KCNJ14: variants seen among roughly 807,000 people sequenced by gnomAD.
KCNJ14 encodes ATP-sensitive inward rectifier potassium channel 14.
Under a neutral mutation model 24.5 loss-of-function variants are expected in KCNJ14, and 18 were observed. The ratio of observed to expected loss-of-function variants is 0.74; its 90% CI spans 0.51 to 1.09. KCNJ14 has a LOEUF of 1.09. Among genes scored for constraint, KCNJ14 ranks in the 50% least tolerant of loss-of-function variants. The pLI is 0.00. For synonymous variants in KCNJ14, 288 were observed against 270.8 expected (o/e 1.06, Z -0.63); for missense variants, 633 against 623.0 (o/e 1.02, Z -0.17).
chr19:48,460,550 G>A (rs1971584254), intron 1 of KCNJ14, among the ~76,000 whole-genome samples: 1 of 152,136 alleles, frequency 6.6e-6, no homozygotes, highest in Non-Finnish European at 1.5e-5. Flanking sequence ...GCAGTCTTGG[G>A]GAAGTTGCTT....
At position 48,461,845 on chromosome 19, in the gene KCNJ14, G is replaced by C; in HGVS notation, c.121G>C (p.Val41Leu). The stretch of plus-strand genomic sequence containing the variant: ...CCGCAACGGGTGGGCGCCGGCACCG[G>C]TGCAGTCACCCGTGGGCCGGCGCCG... The part of the protein sequence containing the change: ...LCRNGWAPAP[V>L]QSPVGRRRGR... Residue 41 changes from valine to leucine, a missense_variant, in exon 2 of 3, where the codon GTG becomes CTG. By Grantham distance (32) the Val-to-Leu change is conservative. Coordinates refer to ENST00000342291, the MANE Select transcript of KCNJ14 (RefSeq NM_013348.4). 6.5e-7 allele frequency: 1 copy of C among 1,538,264 alleles called. No individual in the cohort carries two copies. Among genetic ancestry groups the C allele is most frequent in the East Asian group, 2.4e-5 (1 of 42,102 alleles).
intron 1 of KCNJ14, among the ~76,000 whole-genome samples, chr19:48,457,376 C>T (rs572020978): frequency 6.6e-6 from 1 of 152,296 alleles, no homozygotes; most frequent in Admixed American, 6.5e-5. Context: ...AACTGAGTCT[C>T]TGGAAAAAGA....
At chr19:48,458,432 G>T (rs961233870) in intron 1 of KCNJ14, among the ~76,000 whole-genome samples, 1 of 152,186 alleles carries the variant, frequency 6.6e-6, no homozygotes. Flanking sequence ...GATGGCTAAT[G>T]ATGTTGAGCA....
At chr19:48,456,518 G>C (rs1306065183) in intron 1 of KCNJ14, 1 of 152,256 alleles carries the variant, frequency 6.6e-6, no homozygotes, top group Non-Finnish European at 1.5e-5. Context: ...CTGCGTGGTT[G>C]TGGGAAGCAG....
At position 48,462,551 on chromosome 19, in the gene KCNJ14, A is replaced by C; in HGVS notation, c.714+113A>C. On this transcript the variant is annotated intron_variant, in intron 2 of 2. Transcript: ENST00000342291. The surrounding 1 kb of genome is among the most constrained non-coding windows in gnomAD (Gnocchi z 4.9). ...GGAGGGGGCGTGGACTACAACTCCC[A>C]GCAGCCTCTTGGGCCTGGGGCCTGC... 1.3e-6 allele frequency: 1 copy of C among 790,284 alleles called. No individual in the cohort carries two copies. Among genetic ancestry groups the C allele is most frequent in the Non-Finnish European group, 1.9e-6 (1 of 520,142 alleles). 49.0% of individuals were successfully genotyped at this position (790,284 alleles called of 1,614,324 possible). A position where few individuals can be genotyped will look rare whatever the true frequency, so the allele number is the denominator to read the frequency against.
At position 48,465,716 on chromosome 19, in the gene KCNJ14, A is replaced by G. The variant is rs1224323520; in HGVS notation, c.*939A>G. The G allele has an allele frequency of 6.6e-6, 1 of 152,642 alleles. No homozygotes were observed. Among genetic ancestry groups the G allele is most frequent in the Non-Finnish European group, 1.5e-5 (1 of 68,046 alleles). The allele number at this position is 152,642 out of a possible 1,614,324, so 9.5% of individuals were successfully genotyped here. On this transcript the variant is annotated 3_prime_UTR_variant, in exon 3 of 3. Coordinates refer to ENST00000342291, the MANE Select transcript of KCNJ14 (RefSeq NM_013348.4). ...GAGTCAAGGAAGCAGTGGCAATTCT[A>G]GATATCTGAGATTTTGCTGGTTCCA...
intron 1 of KCNJ14, among the ~76,000 whole-genome samples, chr19:48,458,935 CAAAAAAA>C (rs34990679): frequency 5.2e-5 from 2 of 38,658 alleles, no homozygotes; most frequent in South Asian, 1.6e-3. Flanking sequence ...GACTCCGTCT[CAAAAAAA>C]AAAAAAAAAA....
intron 1 of KCNJ14, among the ~76,000 whole-genome samples, chr19:48,459,114 C>T (rs892084520): frequency 2.7e-5 from 4 of 150,488 alleles, no homozygotes; most frequent in Admixed American, 6.6e-5. Flanking sequence ...TAGTGGCAGG[C>T]GCCTGTAGTC....
chr19:48,464,687 G>C lies in KCNJ14; in HGVS notation c.1221G>C (p.Glu407Asp). The C allele has an allele frequency of 6.2e-7, 1 of 1,613,898 alleles. No homozygotes were observed. The highest frequency in any genetic ancestry group is 8.5e-7 in the Non-Finnish European group (1 of 1,180,024). The change falls in exon 3 of 3, where the codon GAG becomes GAC. Residue 407 changes from glutamate (E) to aspartate (D), a missense_variant. Physicochemically the swap from Glu to Asp is conservative, Grantham distance 45. Transcript: ENST00000342291. ...SCCQEEDEDD[E>D]TEEGNGVETE... is the part of the protein sequence containing the mutation. ...GCCAGGAGGAAGATGAGGACGATGA[G>C]ACTGAGGAAGGGAATGGGGTGGAAA... is the stretch of plus-strand genomic sequence containing the variant.
At chr19:48,456,231 T>C (rs28574697) in intron 1 of KCNJ14, 18,915 of 152,312 alleles carry the variant, frequency 0.12, 1,847 homozygotes, top group African/African-American at 0.27. Context: ...GGGTGGTTCC[T>C]GAGGGTGGAG....
In KCNJ14 at chr19:48,461,096, G is replaced by A. The variant is rs149751094; in HGVS notation, c.-55-574G>A. On this transcript the variant is annotated intron_variant, in intron 1 of 2. Coordinates refer to ENST00000342291, the MANE Select transcript of KCNJ14 (RefSeq NM_013348.4). ...AGCACTTTGGGAGGCCAAAGCAGGCGGATCACGAGGTCAGGAGATCGAGAC... is the reference window on the plus strand; with the variant it reads ...AGCACTTTGGGAGGCCAAAGCAGGCAGATCACGAGGTCAGGAGATCGAGAC... 5.7e-3 allele frequency among the ~76,000 whole-genome samples: 875 copies of A among 152,220 alleles called. 7 individuals are homozygous for A. Among genetic ancestry groups the A allele is most frequent in the African/African-American group, 0.02 (831 of 41,542 alleles).
At chr19:48,457,845 C>T (rs117861795) in intron 1 of KCNJ14, among the ~76,000 whole-genome samples, 2,709 of 152,106 alleles carry the variant, frequency 0.018, 35 homozygotes, top group East Asian at 0.05. Context: ...TCACCATACC[C>T]GGCTAATTTT....
intron 2 of KCNJ14, among the ~76,000 whole-genome samples, chr19:48,463,888 C>T (rs1013851344): frequency 6.6e-6 from 1 of 151,912 alleles, no homozygotes; most frequent in Non-Finnish European, 1.5e-5. Flanking sequence ...AACCCTGAGT[C>T]TCTTTCCTCT....
chr19:48,463,590 AG>A (rs1971624715), intron 2 of KCNJ14, among the ~76,000 whole-genome samples: 1 of 152,176 alleles, frequency 6.6e-6, no homozygotes, highest in Non-Finnish European at 1.5e-5. Flanking sequence ...AGGATAGCTC[AG>A]GGGAGAGCCC....
Position 48,462,097 on chromosome 19 carries a change from G to C in KCNJ14, c.373G>C (p.Ala125Pro), listed in dbSNP as rs1226812140. 2 of 1,601,542 alleles carry C rather than the reference G, an allele frequency of 1.2e-6. No homozygotes were observed. The highest frequency in any genetic ancestry group is 4.5e-5 in the East Asian group (2 of 44,562). ...CGACCTGGCCGCCCCGCCACCGCCCGCGCCCTGCTTCTCACACGTGGCCAG... is the reference window on the plus strand; with the variant it reads ...CGACCTGGCCGCCCCGCCACCGCCCCCGCCCTGCTTCTCACACGTGGCCAG... ...HGDLAAPPPP[A>P]PCFSHVASFL... The change falls in exon 2 of 3, where the codon GCG (alanine) becomes CCG (proline). Residue 125 changes from alanine (A) to proline (P), a missense_variant. Ala to Pro is a conservative substitution (Grantham distance 27, BLOSUM62 -1). Coordinates refer to ENST00000342291, the MANE Select transcript of KCNJ14 (RefSeq NM_013348.4). This position sits in a 1 kb window ranked among gnomAD's most constrained non-coding sequence, Gnocchi z 4.9.
chr19:48,464,131 GC>G, intron 2 of KCNJ14, 49 bp from the exon 3 acceptor site: 1 of 1,277,074 alleles, frequency 7.8e-7, no homozygotes, highest in South Asian at 1.2e-5. Flanking sequence ...CTTCGTCTCT[GC>G]CCGTCTCTGT....
intron 1 of KCNJ14, chr19:48,461,230 G>A (rs1354874842): frequency 6.6e-6 from 1 of 151,972 alleles, no homozygotes; most frequent in Non-Finnish European, 1.5e-5. Flanking sequence ...TGAGGCAGGC[G>A]AATCACTTGA....
At chr19:48,463,659 C>T (rs1273191347) in intron 2 of KCNJ14, among the ~76,000 whole-genome samples, 1 of 152,118 alleles carries the variant, frequency 6.6e-6, no homozygotes, top group Admixed American at 6.5e-5. Flanking sequence ...TGCCCTAACT[C>T]CCCCTTCTTG....
chr19:48,458,712 C>T (rs1971561383), intron 1 of KCNJ14, among the ~76,000 whole-genome samples: 1 of 152,064 alleles, frequency 6.6e-6, no homozygotes, highest in African/African-American at 2.4e-5. Flanking sequence ...GCCTGGCCCC[C>T]TTTGCCCACT....
Sources: gnomAD v4.1 joint callset for allele counts (sites outside exome capture counted in the v4.1 genomes callset) on GRCh38, gnomAD v4.1.1 for gene constraint, Gnocchi (gnomAD v3.1) non-coding constraint, MANE v1.5 for transcripts, NCBI Gene and HGNC (gene_info 2026-07-23, HGNC 2026-07-21) for gene names.